Variants in EIF2AK1 observed in about 807,000 individuals in gnomAD.
EIF2AK1 encodes eukaryotic translation initiation factor 2-alpha kinase 1.
In EIF2AK1, 54 loss-of-function variants were observed where a neutral mutation model predicts 77.9. The observed-to-expected ratio is 0.69, with a 90% CI of 0.56 to 0.87. The LOEUF is 0.87. Among genes scored for constraint, EIF2AK1 ranks in the 40% least tolerant of loss-of-function variants. The pLI is 0.00. For synonymous variants in EIF2AK1, 314 were observed against 290.5 expected, an observed-to-expected ratio of 1.08 and a Z score of -0.82; for missense variants, 810 against 768.6, an observed-to-expected ratio of 1.05 and a Z score of -0.64.
rs1436293693 is a variant in EIF2AK1 at position 6,027,277 on chromosome 7, C to T, written c.1531-316G>A. 6.6e-6 allele frequency among the ~76,000 whole-genome samples: 1 copy of T among 152,236 alleles called. No individual in the cohort carries two copies. Among genetic ancestry groups the T allele is most frequent in the African/African-American group, 2.4e-5 (1 of 41,474 alleles). ...GGCCTGACCCAGGCAATGATGTGAG[C>T]TCACGCCTGCTAGTGTCAGCTGCGG... On this transcript the variant is annotated intron_variant, in intron 13 of 14. Transcript: ENST00000199389. This position sits in a 1 kb window ranked among gnomAD's most constrained non-coding sequence, Gnocchi z 4.5.
Position 6,035,983 on chromosome 7 carries a change from C to T in EIF2AK1, c.1332+1441G>A. 2 of 1,550,746 alleles carry T rather than the reference C, an allele frequency of 1.3e-6. No homozygotes were observed. The highest frequency in any genetic ancestry group is 1.7e-6 in the Non-Finnish European group (2 of 1,146,912). On this transcript the variant is annotated intron_variant, in intron 11 of 14. Transcript: ENST00000199389. This position sits in a 1 kb window ranked among gnomAD's most constrained non-coding sequence, Gnocchi z 5.5. ...AAGGGCCAAACAGCCATCCATGAGG[C>T]ATGCTTTGGAGGCAGAGAGGCAATC...
At position 6,024,487 on chromosome 7, in the gene EIF2AK1, G is replaced by C. The variant is rs1214046577; in HGVS notation, c.*186C>G. 2 of 1,420,692 alleles carry C rather than the reference G, an allele frequency of 1.4e-6. No homozygotes were observed. Among genetic ancestry groups the C allele is most frequent in the South Asian group, 3.1e-5 (2 of 64,044 alleles). The allele number at this position is 1,420,692 out of a possible 1,614,324, so 88.0% of individuals were successfully genotyped here. On this transcript the variant is annotated 3_prime_UTR_variant, in exon 15 of 15. Transcript: ENST00000199389. ...AGACTAGGCATATGGTTAATATTTAGGTAGGAAATTCAGGAAAAGGAGCTT... is the reference window on the plus strand; with the variant it reads ...AGACTAGGCATATGGTTAATATTTACGTAGGAAATTCAGGAAAAGGAGCTT...
intron 2 of EIF2AK1, among the ~76,000 whole-genome samples, chr7:6,052,000 G>A (rs1390172890): frequency 1.3e-5 from 2 of 151,674 alleles, no homozygotes; most frequent in Non-Finnish European, 2.9e-5. Flanking sequence ...GTGAAACTCC[G>A]TCTCTACTAA....
rs1006990705 is a variant in EIF2AK1, at chr7:6,032,561, G to C, written c.1333-3529C>G. Among the ~76,000 whole-genome samples, 7 of 152,202 alleles carry C rather than the reference G, an allele frequency of 4.6e-5. No homozygotes were observed. Among genetic ancestry groups the C allele is most frequent in the African/African-American group, 1.7e-4 (7 of 41,456 alleles). On this transcript the variant is annotated intron_variant, in intron 11 of 14. Transcript: ENST00000199389. The surrounding 1 kb of genome is among the most constrained non-coding windows in gnomAD (Gnocchi z 4.3). The stretch of plus-strand genomic sequence containing the variant: ...ATATCACACCACAGGCTCTTCTGAA[G>C]AATCAACTTTCAAAAATTTCCAAAG...
chr7:6,047,392 CA>C, intron 4 of EIF2AK1: 3 of 423,722 alleles, frequency 7.1e-6, no homozygotes, highest in South Asian at 6.0e-5. Context: ...ACTGAAATTT[CA>C]GCTGGGCATG....
intron 9 of EIF2AK1, among the ~76,000 whole-genome samples, chr7:6,039,692 T>C (rs1269543175): frequency 6.7e-6 from 1 of 150,048 alleles, no homozygotes; most frequent in Non-Finnish European, 1.5e-5. Context: ...CCCAGCACTT[T>C]GGGAGGCCGA....
chr7:6,043,469 C>T (rs1395810076), intron 7 of EIF2AK1, among the ~76,000 whole-genome samples: 1 of 151,952 alleles, frequency 6.6e-6, no homozygotes, highest in Non-Finnish European at 1.5e-5. Context: ...CGCTCTGTTG[C>T]CCAGGGTGGA....
At chr7:6,058,573 A>C (rs1222867402) in intron 1 of EIF2AK1, among the ~76,000 whole-genome samples, 1 of 152,228 alleles carries the variant, frequency 6.6e-6, no homozygotes, top group Admixed American at 6.5e-5. Context: ...ACAACTCTTA[A>C]CCCAAACTAT....
chr7:6,027,072 T>TA lies in EIF2AK1; in HGVS notation c.1531-112dup. The TA allele has an allele frequency of 1.2e-6, 1 of 859,820 alleles. No individual in the cohort carries two copies. The highest frequency in any genetic ancestry group is 1.9e-6 in the Non-Finnish European group (1 of 537,132). The allele number at this position is 859,820 out of a possible 1,614,324, so 53.3% of individuals were successfully genotyped here. A position where few individuals can be genotyped will look rare whatever the true frequency, so the allele number is the denominator to read the frequency against. On this transcript the variant is annotated intron_variant, in intron 13 of 14. Transcript: ENST00000199389. This position sits in a 1 kb window ranked among gnomAD's most constrained non-coding sequence, Gnocchi z 4.5. ...GAGAGGGTTTCTAAGAATGAGGATATACGGTCACCCACAAGGAAGGGAACA... is the reference window on the plus strand; with the variant it reads ...GAGAGGGTTTCTAAGAATGAGGATATAACGGTCACCCACAAGGAAGGGAACA...
rs550856299 is a variant in EIF2AK1, at chr7:6,035,981, G to C, written c.1332+1443C>G. The C allele has an allele frequency of 1.9e-6, 3 of 1,550,750 alleles. No homozygotes were observed. The Admixed American group carries it at 5.9e-5, about 30-fold the overall frequency. ...ACAAGGGCCAAACAGCCATCCATGA[G>C]GCATGCTTTGGAGGCAGAGAGGCAA... On this transcript the variant is annotated intron_variant, in intron 11 of 14. Coordinates refer to ENST00000199389, the MANE Select transcript of EIF2AK1 (RefSeq NM_014413.4). The surrounding 1 kb of genome is among the most constrained non-coding windows in gnomAD (Gnocchi z 5.5).
Position 6,052,939 on chromosome 7 carries a change from G to A in EIF2AK1, c.277+1607C>T, listed in dbSNP as rs555505204. Among the ~76,000 whole-genome samples, 2 of 151,846 alleles carry A rather than the reference G, an allele frequency of 1.3e-5. 1 individual carries two copies. Among genetic ancestry groups the A allele is most frequent in the African/African-American group, 4.8e-5 (2 of 41,474 alleles). ...AATCGCGCCAATGCACTCCAGCCTG[G>A]GCAACAGAGTGAGACTCCATCTCGA... On this transcript the variant is annotated intron_variant, in intron 2 of 14. Coordinates refer to ENST00000199389, the MANE Select transcript of EIF2AK1 (RefSeq NM_014413.4).
intron 3 of EIF2AK1, among the ~76,000 whole-genome samples, chr7:6,049,079 CCCT>C (rs1375356006): frequency 6.6e-6 from 1 of 152,096 alleles, no homozygotes; most frequent in African/African-American, 2.4e-5. Flanking sequence ...AGCTCCCCAC[CCCT>C]CCTGCCTGCC....
chr7:6,028,900 A>C lies in EIF2AK1; in HGVS notation c.1447+18T>G. 1 of 1,589,288 alleles carries C rather than the reference A, an allele frequency of 6.3e-7. No individual in the cohort carries two copies. Among genetic ancestry groups the C allele is most frequent in the Non-Finnish European group, 8.5e-7 (1 of 1,170,952 alleles). On this transcript the variant is annotated intron_variant, in intron 12 of 14. Coordinates refer to ENST00000199389, the MANE Select transcript of EIF2AK1 (RefSeq NM_014413.4). ...CTTTTGCTTATGCAAAGAAAACAAA[A>C]CAAAACCAAAAACTTACTCTTCCCG...
rs571955669 is a variant in EIF2AK1, at chr7:6,032,036, T to C, written c.1333-3004A>G. 3.6e-4 allele frequency among the ~76,000 whole-genome samples: 55 copies of C among 152,134 alleles called. No homozygotes were observed. The highest frequency in any genetic ancestry group is 2.9e-4 in the Non-Finnish European group (20 of 67,990). ...TAAAAATACAAAAATTAGCCGGGCT[T>C]GGTGGCAGGAGCCTGTAATCTCAGC... is the stretch of plus-strand genomic sequence containing the variant. On this transcript the variant is annotated intron_variant, in intron 11 of 14. Transcript: ENST00000199389. This position sits in a 1 kb window ranked among gnomAD's most constrained non-coding sequence, Gnocchi z 4.3.
rs745733200 is a variant in EIF2AK1 at position 6,026,851 on chromosome 7, T to C, written c.1641A>G (p.Glu547=). 3.1e-6 allele frequency: 5 copies of C among 1,614,038 alleles called. No homozygotes were observed. In the African/African-American group the frequency reaches 6.7e-5, roughly 22 times the overall value. ...LTGLRTGQLP[E]SLRKRCPVQA... ...GCACTGGACACCTTTTACGGAGGGA[T>C]TCCGGCAACTGACCAGTTCTTAAAC... is the stretch of plus-strand genomic sequence containing the variant. Residue 547 remains glutamate (E), a synonymous_variant, in exon 14 of 15, where the codon GAA becomes GAG. Transcript: ENST00000199389.
rs774272736 is a variant in EIF2AK1, at chr7:6,041,204, A to T, written c.807T>A (p.Val269=). The change falls in exon 9 of 15, where the codon GTT becomes GTA. Residue 269 remains valine, a synonymous_variant. Transcript: ENST00000199389. The part of the protein sequence containing the change: ...DQEEDREQCG[V]KNDESSSSSI... ...ATGAGCTGCTACTTTCATCATTTTT[A>T]ACACCACATTGCTCTCTGAAAAAAA... 6.2e-7 allele frequency: 1 copy of T among 1,604,870 alleles called. No individual in the cohort carries two copies. Among genetic ancestry groups the T allele is most frequent in the South Asian group, 1.1e-5 (1 of 89,870 alleles).
At chr7:6,049,623 C>G (rs1159227938) in intron 3 of EIF2AK1, among the ~76,000 whole-genome samples, 1 of 142,948 alleles carries the variant, frequency 7.0e-6, no homozygotes. Context: ...TTTGCCTCTC[C>G]TCTCTTTTTT....
intron 14 of EIF2AK1, among the ~76,000 whole-genome samples, chr7:6,025,904 C>T (rs764324441): frequency 2.0e-5 from 3 of 151,848 alleles, no homozygotes; most frequent in Non-Finnish European, 4.4e-5. Context: ...AAATCCCATG[C>T]CTGGGATTAC....
rs1788100479 is a variant in EIF2AK1, at chr7:6,036,516, GA to G, written c.1332+907del. The G allele has an allele frequency of 1.8e-6, 1 of 543,532 alleles. No homozygotes were observed. Among genetic ancestry groups the G allele is most frequent in the Non-Finnish European group, 2.9e-6 (1 of 343,934 alleles). 33.7% of individuals were successfully genotyped at this position (543,532 alleles called of 1,614,324 possible). A position where few individuals can be genotyped will look rare whatever the true frequency, so the allele number is the denominator to read the frequency against. ...CCAAATGTACAAACTACTGATTCTT[GA>G]ACATGTTCCAAAATACAAAGTGATT... On this transcript the variant is annotated intron_variant, in intron 11 of 14. Coordinates refer to ENST00000199389, the MANE Select transcript of EIF2AK1 (RefSeq NM_014413.4). The surrounding 1 kb of genome is among the most constrained non-coding windows in gnomAD (Gnocchi z 4.6).
Sources: allele counts gnomAD v4.1 joint callset (sites outside exome capture counted in the v4.1 genomes callset), GRCh38; gene constraint gnomAD v4.1.1; non-coding constraint Gnocchi (gnomAD v3.1); transcripts MANE v1.5; gene names NCBI Gene and HGNC (gene_info 2026-07-23, HGNC 2026-07-21).